The following FANK1 variants were observed in gnomAD, a reference collection of about 807,000 sequenced individuals.
FANK1 encodes fibronectin type III and ankyrin repeat domains 1, also known as fibronectin type 3 and ankyrin repeat domains protein 1.
FANK1 carries 44 observed loss-of-function variants against 45.3 expected under a neutral mutation model. The ratio of observed to expected loss-of-function variants is 0.97; its 90% confidence interval spans 0.76 to 1.25. The LOEUF is 1.25. Among genes scored for constraint, FANK1 ranks in the 50% most tolerant of loss-of-function variants. FANK1 has a pLI of 0.00. For missense variants in FANK1, 391 were observed against 424.4 expected, an observed-to-expected ratio of 0.92 and a Z score of 0.69; for synonymous variants, 149 against 152.5, an observed-to-expected ratio of 0.98 and a Z score of 0.17.
intron 1 of FANK1, among the ~76,000 whole-genome samples, chr10:125,925,910 G>A (rs1947313265): frequency 6.6e-6 from 1 of 152,088 alleles, no homozygotes; most frequent in Non-Finnish European, 1.5e-5. Flanking sequence ...GTGTCATTTT[G>A]TCACTTTCTA....
intron 1 of FANK1, among the ~76,000 whole-genome samples, chr10:125,974,287 A>G (rs893547660): frequency 6.6e-6 from 1 of 152,230 alleles, no homozygotes; most frequent in Non-Finnish European, 1.5e-5. Context: ...AGACCAGGGC[A>G]GCCCTGTCTT....
At chr10:125,955,094 C>CA (rs1420279415) in intron 1 of FANK1, among the ~76,000 whole-genome samples, 1 of 150,868 alleles carries the variant, frequency 6.6e-6, no homozygotes, top group African/African-American at 2.4e-5. Context: ...TCATAATGCT[C>CA]AAAGTTTTTT....
At chr10:125,938,694 G>A (rs544461588) in intron 1 of FANK1, among the ~76,000 whole-genome samples, 23 of 151,962 alleles carry the variant, frequency 1.5e-4, no homozygotes, top group Non-Finnish European at 2.9e-4. Flanking sequence ...CTGTAGTCCT[G>A]GCTACTTGGG....
At chr10:125,900,574 T>C (rs1944945031) in intron 1 of FANK1, among the ~76,000 whole-genome samples, 1 of 152,098 alleles carries the variant, frequency 6.6e-6, no homozygotes, top group Non-Finnish European at 1.5e-5. Flanking sequence ...TTGCTATATA[T>C]ATGTATTTTA....
intron 1 of FANK1, among the ~76,000 whole-genome samples, chr10:125,961,254 G>A (rs1370350111): frequency 3.3e-5 from 5 of 152,128 alleles, no homozygotes; most frequent in Admixed American, 6.5e-5. Context: ...CTACAGGTAC[G>A]TGCAACCATG....
In FANK1 at chr10:125,916,601, G is replaced by GGT. The variant is rs201567013; in HGVS notation, c.13+19947_13+19948dup. Among the ~76,000 whole-genome samples, 78 of 151,780 alleles carry GGT rather than the reference G, an allele frequency of 5.1e-4. No homozygotes were observed. In the East Asian group the frequency reaches 9.1e-3, roughly 18 times the overall value. On this transcript the variant is annotated intron_variant, in intron 1 of 10. Transcript: ENST00000368693. Reference sequence around the variant, plus strand: ...ATCTGCAAATGAATAAACAAAATATGGTATATATATACACTATATGCAGTA... The same window carrying GGT: ...ATCTGCAAATGAATAAACAAAATATGGTGTATATATATACACTATATGCAGTA...
chr10:125,917,875 G>A (rs1407834733), intron 1 of FANK1, among the ~76,000 whole-genome samples: 3 of 152,310 alleles, frequency 2.0e-5, no homozygotes, highest in Non-Finnish European at 4.4e-5. Context: ...TTCAGCCCAA[G>A]AGTTCAAGAC....
At chr10:125,905,615 T>G (rs1945434922) in intron 1 of FANK1, among the ~76,000 whole-genome samples, 1 of 152,310 alleles carries the variant, frequency 6.6e-6, no homozygotes, top group Non-Finnish European at 1.5e-5. Flanking sequence ...CAGTATAAAT[T>G]CCTTGCAGAT....
At chr10:125,936,862 G>A (rs969479526) in intron 1 of FANK1, among the ~76,000 whole-genome samples, 2 of 152,114 alleles carry the variant, frequency 1.3e-5, no homozygotes, top group South Asian at 4.1e-4. Flanking sequence ...GAGGTTGGGA[G>A]TTGGAGACCA....
At chr10:125,994,285 C>G in intron 3 of FANK1, 1 of 601,854 alleles carries the variant, frequency 1.7e-6, no homozygotes, top group Non-Finnish European at 2.1e-6. Context: ...AAAGCAGGCA[C>G]TACAGTGTAA....
At position 125,898,193 on chromosome 10, in the gene FANK1, C is replaced by CA. The variant is rs1049542986; in HGVS notation, c.13+1546dup. ...AGAGCGAGACTCCATCTCGAAAAAA[C>CA]AAAAAAAAGAACTTTATTTCTTCAG... is the stretch of plus-strand genomic sequence containing the variant. On this transcript the variant is annotated intron_variant, in intron 1 of 10. Coordinates refer to ENST00000368693, the MANE Select transcript of FANK1 (RefSeq NM_145235.5). 2.6e-5 allele frequency among the ~76,000 whole-genome samples: 4 copies of CA among 151,038 alleles called. No homozygotes were observed. In the East Asian group the frequency reaches 7.7e-4, roughly 29 times the overall value.
At chr10:125,968,728 T>C (rs1239795507) in intron 1 of FANK1, among the ~76,000 whole-genome samples, 1 of 152,206 alleles carries the variant, frequency 6.6e-6, no homozygotes, top group Non-Finnish European at 1.5e-5. Context: ...GCATTTCTTT[T>C]ACAATCCTTT....
intron 3 of FANK1, among the ~76,000 whole-genome samples, chr10:125,992,286 G>C (rs1316745812): frequency 2.6e-5 from 4 of 152,270 alleles, no homozygotes; most frequent in Non-Finnish European, 4.4e-5. Context: ...TTTCTTTTCT[G>C]TTTCTTTGTC....
intron 1 of FANK1, among the ~76,000 whole-genome samples, chr10:125,962,602 T>C (rs1370536986): frequency 6.6e-6 from 1 of 152,200 alleles, no homozygotes; most frequent in East Asian, 1.9e-4. Context: ...AACCTGCTGT[T>C]AATTCCATTT....
chr10:125,907,241 A>G (rs755995218), intron 1 of FANK1, among the ~76,000 whole-genome samples: 10 of 152,244 alleles, frequency 6.6e-5, no homozygotes, highest in Non-Finnish European at 1.3e-4. Context: ...TGTAGGATCT[A>G]TAGTGATAAC....
chr10:125,988,116 C>T (rs766866417), intron 2 of FANK1, among the ~76,000 whole-genome samples: 2 of 152,196 alleles, frequency 1.3e-5, no homozygotes, highest in African/African-American at 2.4e-5. Context: ...CAGGTCCTTT[C>T]CCTGCAGTGG....
intron 1 of FANK1, among the ~76,000 whole-genome samples, chr10:125,966,855 A>T (rs1950225959): frequency 6.6e-6 from 1 of 152,076 alleles, no homozygotes; most frequent in African/African-American, 2.4e-5. Context: ...TTCCCCCTTT[A>T]TTCAGTACTA....
Position 125,961,751 on chromosome 10 carries a change from G to A in FANK1, c.14-18410G>A, listed in dbSNP as rs143869318. Among the ~76,000 whole-genome samples the A allele has an allele frequency of 7.2e-3, 1,090 of 152,284 alleles. 9 individuals are homozygous for A. Among genetic ancestry groups the A allele is most frequent in the African/African-American group, 0.025 (1,026 of 41,568 alleles). ...ACTTGAGCTCAGGAGTTTAAGACCAGCCTAGGCAACATAATGAGACCCTGT... is the reference window on the plus strand; with the variant it reads ...ACTTGAGCTCAGGAGTTTAAGACCAACCTAGGCAACATAATGAGACCCTGT... On this transcript the variant is annotated intron_variant, in intron 1 of 10. Transcript: ENST00000368693.
intron 1 of FANK1, among the ~76,000 whole-genome samples, chr10:125,940,235 C>T (rs964987374): frequency 1.3e-5 from 2 of 152,068 alleles, no homozygotes; most frequent in African/African-American, 2.4e-5. Context: ...GTACCAGCAC[C>T]GGTCTCTGAG....
Sources: gnomAD v4.1 joint callset for allele counts (sites outside exome capture counted in the v4.1 genomes callset) on GRCh38, gnomAD v4.1.1 for gene constraint, MANE v1.5 for transcripts, NCBI Gene and HGNC (gene_info 2026-07-23, HGNC 2026-07-21) for gene names.